Variants in NDOR1 observed in about 807,000 individuals in gnomAD.
NDOR1 encodes the protein NADPH-dependent diflavin oxidoreductase 1.
In NDOR1, 61 loss-of-function variants were observed where a neutral mutation model predicts 67.2. The observed-to-expected ratio is 0.91, with a 90% confidence interval of 0.74 to 1.12. The LOEUF is 1.12. Ranked by LOEUF, NDOR1 falls within the 50% of genes most tolerant of loss-of-function variation. The probability of loss-of-function intolerance (pLI) is 0.00; values close to 1 mark genes in which losing one functional copy is unlikely to be tolerated. For missense variants in NDOR1, 878 were observed against 802.8 expected (o/e 1.09, Z -1.13); for synonymous variants, 378 against 343.7 (o/e 1.10, Z -1.10).
In NDOR1 at chr9:137,208,494, C is replaced by A. The variant is rs143692671; in HGVS notation, c.213+2185C>A. 7.6e-3 allele frequency among the ~76,000 whole-genome samples: 1,145 copies of A among 150,600 alleles called. 9 individuals carry two copies. Among genetic ancestry groups the A allele is most frequent in the African/African-American group, 0.025 (1,034 of 40,612 alleles). Reference sequence around the variant, plus strand: ...AAAAACAAAACAAACAAACAAAAAACCACATCTGGCTGTGAAAAGGCTAAA... The same window carrying A: ...AAAAACAAAACAAACAAACAAAAAAACACATCTGGCTGTGAAAAGGCTAAA... On this transcript the variant is annotated intron_variant, in intron 2 of 13. Coordinates refer to ENST00000684003, the MANE Select transcript of NDOR1 (RefSeq NM_014434.4).
chr9:137,215,062 C>T (rs373190915), intron 8 of NDOR1, 33 bp from the exon 9 acceptor site: 63 of 1,612,630 alleles, frequency 3.9e-5, no homozygotes, highest in Admixed American at 8.3e-5. Context: ...GCTACAGCCA[C>T]GCTGCAGCCA....
At chr9:137,211,500 A>G (rs1835253905) in intron 2 of NDOR1, among the ~76,000 whole-genome samples, 1 of 152,160 alleles carries the variant, frequency 6.6e-6, no homozygotes, top group Non-Finnish European at 1.5e-5. Context: ...AGTGAGGGAA[A>G]AGTCACAAGA....
At chr9:137,209,724 C>G (rs1331931742) in intron 2 of NDOR1, among the ~76,000 whole-genome samples, 1 of 152,220 alleles carries the variant, frequency 6.6e-6, no homozygotes, top group African/African-American at 2.4e-5. Flanking sequence ...CAGGTGCCCC[C>G]AGCAGCAGAC....
In NDOR1 at chr9:137,214,027, CCCG is replaced by C. The variant is rs1383063765; in HGVS notation, c.477_479del (p.Pro161del). On this transcript the variant is annotated inframe_deletion, in exon 5 of 14. Coordinates refer to ENST00000684003, the MANE Select transcript of NDOR1 (RefSeq NM_014434.4). ...TGTGGGACAGGGTTCTGGGGCTGTA[CCCG>C]CCGCCTCCGGGCCTCACTGAGATCC... The C allele has an allele frequency of 6.5e-6, 10 of 1,546,626 alleles. No individual in the cohort carries two copies. The highest frequency in any genetic ancestry group is 1.4e-5 in the African/African-American group (1 of 73,314).
chr9:137,214,565 C>T lies in NDOR1; in HGVS notation c.723-5C>T, dbSNP rs2131374635. The T allele has an allele frequency of 6.2e-7, 1 of 1,611,436 alleles. No homozygotes were observed. The highest frequency in any genetic ancestry group is 2.2e-5 in the East Asian group (1 of 44,884). On this transcript the variant is annotated splice_polypyrimidine_tract_variant and splice_region_variant and intron_variant, in intron 6 of 13. Coordinates refer to ENST00000684003, the MANE Select transcript of NDOR1 (RefSeq NM_014434.4). The stretch of plus-strand genomic sequence containing the variant: ...CCCACAGCCCTGGTGGCTTCTTCCA[C>T]ACAGCTTTGCTGCTGGTGATGTGGT...
chr9:137,216,771 T>C lies in NDOR1; in HGVS notation c.*355T>C, dbSNP rs1433738528. On this transcript the variant is annotated 3_prime_UTR_variant, in exon 14 of 14. Transcript: ENST00000684003. Reference sequence around the variant, plus strand: ...AGCCCAGTGAGCACCAGGGGTGGCATAGGGCACCCATGAGGCTGCGCTGCA... The same window carrying C: ...AGCCCAGTGAGCACCAGGGGTGGCACAGGGCACCCATGAGGCTGCGCTGCA... 2 of 325,864 alleles carry C rather than the reference T, an allele frequency of 6.1e-6. No homozygotes were observed. Among genetic ancestry groups the C allele is most frequent in the East Asian group, 1.5e-4 (2 of 12,968 alleles). The allele number at this position is 325,864 out of a possible 1,614,324, so 20.2% of individuals were successfully genotyped here.
rs1322415492 is a variant in NDOR1, at chr9:137,205,897, G to A, written c.120G>A (p.Leu40=). 6.3e-7 allele frequency: 1 copy of A among 1,595,256 alleles called. No individual in the cohort carries two copies. The highest frequency in any genetic ancestry group is 2.2e-5 in the East Asian group (1 of 44,730). ...GGCTTGGCTGCCGGGTGCAGGCCCTGGACTCCTACCCGGTGGTGAGGGCTC... is the reference window on the plus strand; with the variant it reads ...GGCTTGGCTGCCGGGTGCAGGCCCTAGACTCCTACCCGGTGGTGAGGGCTC... ...RRRLGCRVQA[L]DSYPVVNLIN... is the part of the protein sequence containing the mutation. Residue 40 remains leucine, a synonymous_variant, in exon 1 of 14, where the codon CTG becomes CTA. Coordinates refer to ENST00000684003, the MANE Select transcript of NDOR1 (RefSeq NM_014434.4).
rs1461394683 is a variant in NDOR1, at chr9:137,216,517, CCAGCCAGCTGGTCCTCTGGGAA to C, written c.*111_*132del. 6.9e-7 allele frequency: 1 copy of C among 1,439,546 alleles called. No homozygotes were observed. The highest frequency in any genetic ancestry group is 1.4e-5 in the South Asian group (1 of 73,970). The allele number at this position is 1,439,546 out of a possible 1,614,324, so 89.2% of individuals were successfully genotyped here. On this transcript the variant is annotated 3_prime_UTR_variant, in exon 14 of 14. Coordinates refer to ENST00000684003, the MANE Select transcript of NDOR1 (RefSeq NM_014434.4). ...GGCCAGCAGCCGTCATCCTCTCGGA[CCAGCCAGCTGGTCCTCTGGGAA>C]CAGCCAGCTCCCGAGCACAGCCGCA... is the stretch of plus-strand genomic sequence containing the variant.
chr9:137,206,045 A>G (rs1588785420), intron 1 of NDOR1, 133 bp downstream of exon 1: 1 of 1,472,676 alleles, frequency 6.8e-7, no homozygotes, highest in Non-Finnish European at 9.1e-7. Flanking sequence ...TTAGGGAAGG[A>G]GGTTTGGGAA....
chr9:137,206,150 AAAGGAGAAGGGGGTC>A (rs1165438717), intron 1 of NDOR1, 67 bp from the exon 2 acceptor site: 3 of 1,557,312 alleles, frequency 1.9e-6, no homozygotes, highest in Non-Finnish European at 2.7e-6. Flanking sequence ...CAGCCTGAGT[AAAGGAGAAGGGGGTC>A]AAGTTTTGGG....
In NDOR1 at chr9:137,213,080, C is replaced by G. The variant is rs577979210; in HGVS notation, c.311+481C>G. ...AAACCCCGACTGTCCACGTAGGGCC[C>G]AGGTCCGCTGAGCACCGAGCATCAA... On this transcript the variant is annotated intron_variant, in intron 3 of 13. Coordinates refer to ENST00000684003, the MANE Select transcript of NDOR1 (RefSeq NM_014434.4). Among the ~76,000 whole-genome samples the G allele has an allele frequency of 3.7e-4, 56 of 152,334 alleles. 1 individual carries two copies. Among genetic ancestry groups the G allele is most frequent in the Admixed American group, 2.2e-3 (34 of 15,302 alleles).
Position 137,215,736 on chromosome 9 carries a change from G to A in NDOR1, c.1366G>A (p.Val456Met). ...PETPDTPVIM[V>M]GPGTGVAPFR... Reference sequence around the variant, plus strand: ...GACACCAGACACACCTGTGATCATGGTGGGGCCTGGCACTGGGGTAGCCCC... The same window carrying A: ...GACACCAGACACACCTGTGATCATGATGGGGCCTGGCACTGGGGTAGCCCC... The change falls in exon 11 of 14, where the codon GTG (valine) becomes ATG (methionine). Residue 456 changes from valine (V) to methionine (M), a missense_variant. Transcript: ENST00000684003. 1.9e-6 allele frequency: 3 copies of A among 1,603,346 alleles called. No individual in the cohort carries two copies. The highest frequency in any genetic ancestry group is 2.6e-6 in the Non-Finnish European group (3 of 1,173,930).
At position 137,215,985 on chromosome 9, in the gene NDOR1, C is replaced by T. The variant is rs1207981908; in HGVS notation, c.1522C>T (p.Leu508=). The T allele has an allele frequency of 1.9e-6, 3 of 1,613,262 alleles. No homozygotes were observed. Among genetic ancestry groups the T allele is most frequent in the Non-Finnish European group, 2.5e-6 (3 of 1,180,006 alleles). The stretch of plus-strand genomic sequence containing the variant: ...GCAGGAGCTGGAGAAGCGGGACTGT[C>T]TGACCCTCATCCCTGCCTTCTCCCG... The part of the protein sequence containing the change: ...EWQELEKRDC[L]TLIPAFSREQ... The change falls in exon 12 of 14, where the codon CTG becomes TTG. Residue 508 remains leucine, a synonymous_variant. Coordinates refer to ENST00000684003, the MANE Select transcript of NDOR1 (RefSeq NM_014434.4).
chr9:137,213,621 C>T (rs1835366730), intron 3 of NDOR1, among the ~76,000 whole-genome samples, 159 bp from the exon 4 acceptor site: 1 of 152,120 alleles, frequency 6.6e-6, no homozygotes, highest in Admixed American at 6.5e-5. Flanking sequence ...GCCCTGCCCC[C>T]TCCTAGGGTG....
intron 2 of NDOR1, among the ~76,000 whole-genome samples, chr9:137,208,446 G>A (rs1298500318): frequency 1.3e-5 from 2 of 151,614 alleles, no homozygotes; most frequent in African/African-American, 2.4e-5. Context: ...GCGAGACTCC[G>A]TCTCAAAAAC....
chr9:137,208,973 C>T (rs565526172), intron 2 of NDOR1, among the ~76,000 whole-genome samples: 3 of 152,166 alleles, frequency 2.0e-5, no homozygotes, highest in Non-Finnish European at 2.9e-5. Flanking sequence ...CACTGCCTCC[C>T]GGGTTCGCGC....
In NDOR1 at chr9:137,215,035, G is replaced by T. The variant is rs771984074; in HGVS notation, c.1065+17G>T. On this transcript the variant is annotated intron_variant, in intron 8 of 13. Coordinates refer to ENST00000684003, the MANE Select transcript of NDOR1 (RefSeq NM_014434.4). ...ATCCTGGAGGTGAGATGGGAGGGCG[G>T]CAGGCCCAGCCCCTGAGCTACAGCC... 1.9e-6 allele frequency: 3 copies of T among 1,610,994 alleles called. No individual in the cohort carries two copies. The Admixed American group carries it at 5.0e-5, about 27-fold the overall frequency.
In NDOR1 at chr9:137,213,964, C is replaced by G; in HGVS notation, c.411-3C>G. 2 of 1,563,534 alleles carry G rather than the reference C, an allele frequency of 1.3e-6. No homozygotes were observed. Among genetic ancestry groups the G allele is most frequent in the East Asian group, 2.4e-5 (1 of 42,482 alleles). On this transcript the variant is annotated splice_region_variant and splice_polypyrimidine_tract_variant and intron_variant, in intron 4 of 13. Transcript: ENST00000684003. Reference sequence around the variant, plus strand: ...TCAGGCCAGCGCACGTGCTCCCTCCCAGGCCCGACGCTGCTGTGGACCCCT... The same window carrying G: ...TCAGGCCAGCGCACGTGCTCCCTCCGAGGCCCGACGCTGCTGTGGACCCCT...
At chr9:137,213,711 G>T in intron 3 of NDOR1, 69 bp from the exon 4 acceptor site, 1 of 1,486,920 alleles carries the variant, frequency 6.7e-7, no homozygotes, top group Non-Finnish European at 9.2e-7. Context: ...ACTCTCCCGG[G>T]TTCCACTCTG....
Sources: gnomAD v4.1 joint callset for allele counts (sites outside exome capture counted in the v4.1 genomes callset) on GRCh38, gnomAD v4.1.1 for gene constraint, MANE v1.5 for transcripts, NCBI Gene and HGNC (gene_info 2026-07-23, HGNC 2026-07-21) for gene names.